The following SNTB1 variants were observed in gnomAD, a reference collection of about 807,000 sequenced individuals.
SNTB1 encodes beta-1-syntrophin.
Under a neutral mutation model 48.9 loss-of-function variants are expected in SNTB1, and 36 were observed. That is an observed-to-expected ratio of 0.74 (90% CI 0.56 to 0.97). The LOEUF (loss-of-function observed/expected upper bound fraction) is 0.97. Ranked by LOEUF, SNTB1 falls within the 50% of genes least tolerant of loss-of-function variation. SNTB1 has a pLI of 0.00. For missense variants in SNTB1, 786 were observed against 703.4 expected, an observed-to-expected ratio of 1.12 and a Z score of -1.33; for synonymous variants, 299 against 294.6, an observed-to-expected ratio of 1.01 and a Z score of -0.15.
intron 1 of SNTB1, among the ~76,000 whole-genome samples, chr8:120,798,525 T>C (rs1820159920): frequency 6.6e-6 from 1 of 152,082 alleles, no homozygotes; most frequent in Non-Finnish European, 1.5e-5. Context: ...TGAACCAAAA[T>C]GTCACTATCT....
In SNTB1 at chr8:120,783,854, C is replaced by T. The variant is rs560213918; in HGVS notation, c.571+27419G>A. Among the ~76,000 whole-genome samples the T allele has an allele frequency of 2.6e-4, 40 of 152,116 alleles. 1 individual carries two copies. Among genetic ancestry groups the T allele is most frequent in the African/African-American group, 8.2e-4 (34 of 41,500 alleles). On this transcript the variant is annotated intron_variant, in intron 1 of 6. Coordinates refer to ENST00000517992, the MANE Select transcript of SNTB1 (RefSeq NM_021021.4). ...TACCAATAAAATTATTTTAAAATAA[C>T]GCAAGTAAATAATAATACAGTATAA... is the stretch of plus-strand genomic sequence containing the variant.
At chr8:120,601,493 C>A (rs4870735) in intron 3 of SNTB1, among the ~76,000 whole-genome samples, 22 of 151,916 alleles carry the variant, frequency 1.4e-4, no homozygotes, top group African/African-American at 5.3e-4. Context: ...AGAGTTTCAC[C>A]ATATCCTTCG....
intron 4 of SNTB1, among the ~76,000 whole-genome samples, chr8:120,561,333 AAAAAAAAG>A (rs529332935): frequency 0.38 from 41,069 of 107,094 alleles, 8,007 homozygotes; most frequent in Non-Finnish European, 0.51. Flanking sequence ...AAAAAAAAAA[AAAAAAAAG>A]AAAAAAAGAA....
chr8:120,654,640 C>T (rs144938262), intron 2 of SNTB1, among the ~76,000 whole-genome samples: 4 of 152,226 alleles, frequency 2.6e-5, no homozygotes, highest in Non-Finnish European at 5.9e-5. Context: ...CAGCTTGGCA[C>T]GGCGTATGAA....
rs1259177976 is a variant in SNTB1, at chr8:120,727,070, T to C, written c.572-33162A>G. Among the ~76,000 whole-genome samples, 4 of 152,248 alleles carry C rather than the reference T, an allele frequency of 2.6e-5. No homozygotes were observed. The East Asian group carries it at 5.8e-4, about 22-fold the overall frequency. ...AAGGATGTTCTCCAGGATAGGTTGG[T>C]TGGGAGACAGAAGTAAGAGAAACCA... On this transcript the variant is annotated intron_variant, in intron 1 of 6. Transcript: ENST00000517992.
intron 1 of SNTB1, among the ~76,000 whole-genome samples, chr8:120,762,649 G>A (rs899298217): frequency 6.6e-6 from 1 of 152,012 alleles, no homozygotes; most frequent in African/African-American, 2.4e-5. Flanking sequence ...GGTGCTTTGG[G>A]GCCTTATTGA....
intron 3 of SNTB1, among the ~76,000 whole-genome samples, chr8:120,612,584 G>A (rs570747774): frequency 6.6e-6 from 1 of 152,120 alleles, no homozygotes; most frequent in Admixed American, 6.5e-5. Context: ...ATGGAGTTTT[G>A]ATCTTGTCAC....
intron 1 of SNTB1, among the ~76,000 whole-genome samples, chr8:120,765,151 G>T (rs1050570336): frequency 6.6e-6 from 1 of 152,152 alleles, no homozygotes; most frequent in Non-Finnish European, 1.5e-5. Flanking sequence ...CTTGGACCTG[G>T]GAGGCGGAGC....
chr8:120,804,579 A>G (rs756660897), intron 1 of SNTB1, among the ~76,000 whole-genome samples: 2 of 151,528 alleles, frequency 1.3e-5, no homozygotes, highest in Non-Finnish European at 2.9e-5. Context: ...GAAGTCACCT[A>G]CTCTCTGGCA....
chr8:120,686,239 T>C (rs576458856), intron 2 of SNTB1, among the ~76,000 whole-genome samples: 18 of 152,376 alleles, frequency 1.2e-4, no homozygotes, highest in South Asian at 4.1e-4. Flanking sequence ...GTATTTGCTA[T>C]AGCAACACCC....
chr8:120,581,677 G>A (rs6469935), intron 3 of SNTB1, among the ~76,000 whole-genome samples: 145,274 of 152,234 alleles, frequency 0.95, 69,411 homozygotes, highest in African/African-American at 0.99. Flanking sequence ...AAAATAAAGT[G>A]AGGTGAAAAG....
At chr8:120,645,479 T>A (rs1050772881) in intron 2 of SNTB1, among the ~76,000 whole-genome samples, 51 of 151,800 alleles carry the variant, frequency 3.4e-4, no homozygotes, top group Non-Finnish European at 7.1e-4. Context: ...GTTGTAGACA[T>A]GCGGCATTAT....
At chr8:120,593,465 G>C (rs888487353) in intron 3 of SNTB1, among the ~76,000 whole-genome samples, 1 of 152,174 alleles carries the variant, frequency 6.6e-6, no homozygotes, top group Non-Finnish European at 1.5e-5. Context: ...CCCAGGAACT[G>C]GACAGTGAAT....
intron 1 of SNTB1, among the ~76,000 whole-genome samples, chr8:120,773,869 C>A (rs1283292411): frequency 6.6e-6 from 1 of 152,212 alleles, no homozygotes; most frequent in Non-Finnish European, 1.5e-5. Flanking sequence ...GGCTTTAAAG[C>A]CACATCTTCT....
Position 120,600,584 on chromosome 8 carries a change from T to C in SNTB1, c.997-25359A>G, listed in dbSNP as rs577598408. ...TGAAAAGGCATTTAATTGAAGTAGC[T>C]ATTACTCAGCAATAGGTAGCTGGAA... On this transcript the variant is annotated intron_variant, in intron 3 of 6. Transcript: ENST00000517992. Among the ~76,000 whole-genome samples, 4 of 152,342 alleles carry C rather than the reference T, an allele frequency of 2.6e-5. No individual in the cohort carries two copies. In the South Asian group the frequency reaches 8.3e-4, roughly 32 times the overall value.
chr8:120,645,444 T>A (rs1349719228), intron 2 of SNTB1, among the ~76,000 whole-genome samples: 1 of 151,372 alleles, frequency 6.6e-6, no homozygotes, highest in Non-Finnish European at 1.5e-5. Context: ...TGCTTGTTTT[T>A]CTCAGGTTTG....
intron 4 of SNTB1, among the ~76,000 whole-genome samples, chr8:120,552,894 A>G (rs1815504944): frequency 6.6e-6 from 1 of 152,116 alleles, no homozygotes; most frequent in Non-Finnish European, 1.5e-5. Context: ...AGATGGTCCC[A>G]TCTGGGGGTG....
chr8:120,672,985 G>A (rs1817780882), intron 2 of SNTB1, among the ~76,000 whole-genome samples: 1 of 152,186 alleles, frequency 6.6e-6, no homozygotes, highest in Non-Finnish European at 1.5e-5. Context: ...GGAATCTCCA[G>A]CAGCAACAGT....
intron 1 of SNTB1, among the ~76,000 whole-genome samples, chr8:120,752,992 A>G (rs1462008798): frequency 8.6e-6 from 1 of 115,776 alleles, no homozygotes; most frequent in Admixed American, 9.7e-5. Flanking sequence ...TGGAAGAAAA[A>G]AAAAAAAAAA....
Sources: gnomAD v4.1 joint callset for allele counts (sites outside exome capture counted in the v4.1 genomes callset) on GRCh38, gnomAD v4.1.1 for gene constraint, MANE v1.5 for transcripts, NCBI Gene and HGNC (gene_info 2026-07-23, HGNC 2026-07-21) for gene names.